Variants in ITCH observed in about 807,000 individuals in gnomAD.
ITCH encodes itchy E3 ubiquitin protein ligase, also known as E3 ubiquitin-protein ligase Itchy homolog.
In ITCH, 28 loss-of-function variants were observed where a neutral mutation model predicts 126.8. The ratio of observed to expected loss-of-function variants is 0.22; its 90% CI spans 0.16 to 0.30. ITCH has a LOEUF of 0.30. Ranked by LOEUF, ITCH falls within the 10% of genes least tolerant of loss-of-function variation. The pLI is 1.00. For synonymous variants in ITCH, 342 were observed against 340.0 expected (o/e 1.01, Z -0.06); for missense variants, 631 against 1,032.4 (o/e 0.61, Z 5.33).
intron 4 of ITCH, among the ~76,000 whole-genome samples, chr20:34,410,700 T>C (rs1978907787): frequency 6.6e-6 from 1 of 152,160 alleles, no homozygotes. Flanking sequence ...ATTTTTTCCT[T>C]TACCAAGTGG....
chr20:34,489,251 A>T lies in ITCH; in HGVS notation c.2094-15A>T, dbSNP rs199791676. ...TCTAAACTTCCTGATAGGTTTTTTC[A>T]TATTTGTTTGCCAGAATGGTAGCTG... is the stretch of plus-strand genomic sequence containing the variant. On this transcript the variant is annotated splice_polypyrimidine_tract_variant and intron_variant, in intron 20 of 24. Transcript: ENST00000374864. 6.2e-7 allele frequency: 1 copy of T among 1,612,150 alleles called. No homozygotes were observed. Among genetic ancestry groups the T allele is most frequent in the South Asian group, 1.1e-5 (1 of 91,006 alleles).
Position 34,459,596 on chromosome 20 carries a change from GTATAAT to G in ITCH, c.1295+2130_1295+2135del, listed in dbSNP as rs556330592. ...GGGCAAAGGCCAGACCTCTCTTTTGGTATAATTATAATTTGAGAACAGATATTCCAT... is the reference window on the plus strand; with the variant it reads ...GGGCAAAGGCCAGACCTCTCTTTTGGTATAATTTGAGAACAGATATTCCAT... On this transcript the variant is annotated intron_variant, in intron 13 of 24. Transcript: ENST00000374864. Among the ~76,000 whole-genome samples, 20 of 152,188 alleles carry G rather than the reference GTATAAT, an allele frequency of 1.3e-4. No homozygotes were observed. In the East Asian group the frequency reaches 3.7e-3, roughly 28 times the overall value.
At position 34,442,188 on chromosome 20, in the gene ITCH, C is replaced by T. The variant is rs1202005255; in HGVS notation, c.870-20C>T. 1 of 1,582,542 alleles carries T rather than the reference C, an allele frequency of 6.3e-7. No individual in the cohort carries two copies. The highest frequency in any genetic ancestry group is 8.7e-7 in the Non-Finnish European group (1 of 1,151,408). On this transcript the variant is annotated intron_variant, in intron 9 of 24. Coordinates refer to ENST00000374864, the MANE Select transcript of ITCH (RefSeq NM_031483.7). ...TAACTCATGCAAGTATTTTACCAGC[C>T]TTTTAATTTTGTATTTAAGTTGGGA...
intron 7 of ITCH, among the ~76,000 whole-genome samples, chr20:34,434,946 A>G (rs1446142679): frequency 6.6e-6 from 1 of 152,132 alleles, no homozygotes; most frequent in East Asian, 1.9e-4. Flanking sequence ...CTGAAGCACA[A>G]TTTTAATTTT....
chr20:34,465,785 ACT>A (rs1374633973), intron 14 of ITCH, among the ~76,000 whole-genome samples: 14 of 152,010 alleles, frequency 9.2e-5, no homozygotes, highest in African/African-American at 3.1e-4. Context: ...GAATTCACTT[ACT>A]CTGGCAGGGT....
chr20:34,410,286 T>C (rs566328345), intron 4 of ITCH, among the ~76,000 whole-genome samples: 1 of 152,018 alleles, frequency 6.6e-6, no homozygotes, highest in East Asian at 1.9e-4. Flanking sequence ...GAGAATTGGT[T>C]GAACCTGGTA....
rs536720316 is a variant in ITCH at position 34,470,651 on chromosome 20, G to T, written c.1497+531G>T. 4.6e-4 allele frequency among the ~76,000 whole-genome samples: 70 copies of T among 152,206 alleles called. 1 individual carries two copies. Among genetic ancestry groups the T allele is most frequent in the African/African-American group, 1.6e-3 (68 of 41,522 alleles). ...TCTGTCACCCAGGCTGGAGTGCAGTGGTGCCATCATGGCTTACTGCAGCCT... is the reference window on the plus strand; with the variant it reads ...TCTGTCACCCAGGCTGGAGTGCAGTTGTGCCATCATGGCTTACTGCAGCCT... On this transcript the variant is annotated intron_variant, in intron 15 of 24. Coordinates refer to ENST00000374864, the MANE Select transcript of ITCH (RefSeq NM_031483.7).
Position 34,509,132 on chromosome 20 carries a change from C to CA in ITCH, c.*1339dup, listed in dbSNP as rs1473597073. The stretch of plus-strand genomic sequence containing the variant: ...TTTTAACAGGGTTTCCTTTTTTTCT[C>CA]ACGACTATTTAAGTTTAGATTGCTC... On this transcript the variant is annotated 3_prime_UTR_variant, in exon 25 of 25. Coordinates refer to ENST00000374864, the MANE Select transcript of ITCH (RefSeq NM_031483.7). The CA allele has an allele frequency of 4.6e-5, 7 of 152,592 alleles. No individual in the cohort carries two copies. The East Asian group carries it at 1.4e-3, about 29-fold the overall frequency. 9.5% of individuals were successfully genotyped at this position (152,592 alleles called of 1,614,324 possible). A position where few individuals can be genotyped will look rare whatever the true frequency, so the allele number is the denominator to read the frequency against.
intron 2 of ITCH, among the ~76,000 whole-genome samples, chr20:34,392,880 G>A (rs569500977): frequency 1.3e-5 from 2 of 152,242 alleles, no homozygotes; most frequent in Admixed American, 1.3e-4. Flanking sequence ...CCCAGCCCGG[G>A]AGGCGCTCCA....
In ITCH at chr20:34,508,285, T is replaced by C. The variant is rs1978371004; in HGVS notation, c.*491T>C. On this transcript the variant is annotated 3_prime_UTR_variant, in exon 25 of 25. Coordinates refer to ENST00000374864, the MANE Select transcript of ITCH (RefSeq NM_031483.7). ...CGGGCTTGTGTTCTCCCTCTCATTT[T>C]AGTCTGACTTGACTATTGTTTTTCC... The C allele has an allele frequency of 5.5e-6, 1 of 180,624 alleles. No homozygotes were observed. Among genetic ancestry groups the C allele is most frequent in the Admixed American group, 5.4e-5 (1 of 18,536 alleles). The allele number at this position is 180,624 out of a possible 1,614,324, so 11.2% of individuals were successfully genotyped here.
chr20:34,509,256 C>T lies in ITCH; in HGVS notation c.*1462C>T, dbSNP rs1460867733. On this transcript the variant is annotated 3_prime_UTR_variant, in exon 25 of 25. Coordinates refer to ENST00000374864, the MANE Select transcript of ITCH (RefSeq NM_031483.7). ...AAGGTGGCTGTTATAAATTTGACTT[C>T]ATTGGCAGTGGATGAAGCCTAAGCC... 6.6e-6 allele frequency: 1 copy of T among 152,362 alleles called. No homozygotes were observed. Among genetic ancestry groups the T allele is most frequent in the Non-Finnish European group, 1.5e-5 (1 of 68,030 alleles). The allele number at this position is 152,362 out of a possible 1,614,324, so 9.4% of individuals were successfully genotyped here.
chr20:34,435,195 G>C (rs1485883199), intron 7 of ITCH, among the ~76,000 whole-genome samples: 1 of 150,660 alleles, frequency 6.6e-6, no homozygotes, highest in Admixed American at 6.6e-5. Flanking sequence ...TTGAGACAGA[G>C]TCTTGCTCTG....
chr20:34,461,877 A>G (rs1476759091), intron 13 of ITCH, among the ~76,000 whole-genome samples: 1 of 152,200 alleles, frequency 6.6e-6, no homozygotes, highest in African/African-American at 2.4e-5. Flanking sequence ...ACATAAGCCA[A>G]GTAGACGGCA....
chr20:34,414,882 G>A (rs1392537340), intron 6 of ITCH, among the ~76,000 whole-genome samples: 1 of 152,092 alleles, frequency 6.6e-6, no homozygotes, highest in Non-Finnish European at 1.5e-5. Context: ...GATATCTTTT[G>A]ACAATACTAA....
rs1158053080 is a variant in ITCH, at chr20:34,508,165, C to T, written c.*371C>T. 3.6e-6 allele frequency: 1 copy of T among 277,712 alleles called. No individual in the cohort carries two copies. Among genetic ancestry groups the T allele is most frequent in the African/African-American group, 2.2e-5 (1 of 45,482 alleles). The allele number at this position is 277,712 out of a possible 1,614,324, so 17.2% of individuals were successfully genotyped here. On this transcript the variant is annotated 3_prime_UTR_variant, in exon 25 of 25. Transcript: ENST00000374864. ...GACATGCAGGGAAGTCCTTTGGTAACTGCAATATACAAGATTTTCCTATTA... is the reference window on the plus strand; with the variant it reads ...GACATGCAGGGAAGTCCTTTGGTAATTGCAATATACAAGATTTTCCTATTA...
In ITCH at chr20:34,471,437, A is replaced by C; in HGVS notation, c.1498-7A>C. The C allele has an allele frequency of 1.3e-6, 2 of 1,575,610 alleles. No homozygotes were observed. The highest frequency in any genetic ancestry group is 1.7e-6 in the Non-Finnish European group (2 of 1,144,884). ...GAGAGTTGACTTAAGTCATTCTTCTATTTCAGCAACTGGCCATGCCACAGC... is the reference window on the plus strand; with the variant it reads ...GAGAGTTGACTTAAGTCATTCTTCTCTTTCAGCAACTGGCCATGCCACAGC... On this transcript the variant is annotated splice_region_variant and splice_polypyrimidine_tract_variant and intron_variant, in intron 15 of 24. Coordinates refer to ENST00000374864, the MANE Select transcript of ITCH (RefSeq NM_031483.7).
chr20:34,410,616 G>C (rs947277493), intron 4 of ITCH, among the ~76,000 whole-genome samples: 4 of 152,166 alleles, frequency 2.6e-5, no homozygotes, highest in Non-Finnish European at 5.9e-5. Flanking sequence ...GATAAGGGGG[G>C]AGGATAAGGT....
chr20:34,449,687 T>C (rs546155169), intron 12 of ITCH, among the ~76,000 whole-genome samples: 53 of 152,264 alleles, frequency 3.5e-4, no homozygotes, highest in African/African-American at 1.2e-3. Context: ...TATAAACTTT[T>C]ATTGACGCTC....
chr20:34,445,348 A>G lies in ITCH; in HGVS notation c.1027A>G (p.Thr343Ala), dbSNP rs557788946. ...TTATGTTGACCATTTCACAAGAACA[A>G]CAACGTGGCAGAGGCCAACACTGGA... ...IYYVDHFTRT[T>A]TWQRPTLESV... The change falls in exon 11 of 25, where the codon ACA becomes GCA. Residue 343 changes from threonine to alanine, a missense_variant. Physicochemically the swap from Thr to Ala is moderately conservative, Grantham distance 58 (BLOSUM62 0). This residue lies in a region of ITCH where 390 missense variants were observed against 731.6 expected (regional missense o/e 0.53). Coordinates refer to ENST00000374864, the MANE Select transcript of ITCH (RefSeq NM_031483.7). 2 of 1,614,028 alleles carry G rather than the reference A, an allele frequency of 1.2e-6. No individual in the cohort carries two copies. The highest frequency in any genetic ancestry group is 2.2e-5 in the East Asian group (1 of 44,882).
Sources: gnomAD v4.1 joint callset for allele counts (sites outside exome capture counted in the v4.1 genomes callset) on GRCh38, gnomAD v4.1.1 for gene constraint, gnomAD v4.1.1 regional missense constraint, MANE v1.5 for transcripts, NCBI Gene and HGNC (gene_info 2026-07-23, HGNC 2026-07-21) for gene names.